BSN: variants seen among roughly 807,000 people sequenced by gnomAD.
BSN encodes the protein bassoon presynaptic cytomatrix protein.
Under a neutral mutation model 264.8 loss-of-function variants are expected in BSN, and 57 were observed. The observed-to-expected ratio is 0.22, with a 90% CI of 0.17 to 0.27. The LOEUF is 0.27. Ranked by LOEUF, BSN falls within the 10% of genes least tolerant of loss-of-function variation. The pLI, the probability that BSN is intolerant of heterozygous loss-of-function variation, is 1.00. For synonymous variants in BSN, 2,059 were observed against 2,137.3 expected (o/e 0.96, Z 1.01); for missense variants, 4,615 against 5,232.5 (o/e 0.88, Z 3.64).
intron 1 of BSN, among the ~76,000 whole-genome samples, chr3:49,577,178 T>G (rs2051851037): frequency 6.6e-6 from 1 of 152,226 alleles, no homozygotes. Flanking sequence ...GCTCCCGAAT[T>G]TCTTCGCTAT....
chr3:49,620,859 G>A (rs890701069), intron 1 of BSN, among the ~76,000 whole-genome samples: 10 of 152,060 alleles, frequency 6.6e-5, no homozygotes, highest in East Asian at 3.9e-4. Context: ...GCTGGTGTGC[G>A]CCTGTAGTCC....
At chr3:49,579,308 A>T (rs2051874891) in intron 1 of BSN, among the ~76,000 whole-genome samples, 1 of 151,398 alleles carries the variant, frequency 6.6e-6, no homozygotes, top group African/African-American at 2.4e-5. Context: ...TTTCCTTCTT[A>T]TTGCCCAGTG....
chr3:49,573,656 GGTT>G (rs2051815686), intron 1 of BSN, among the ~76,000 whole-genome samples: 2 of 144,024 alleles, frequency 1.4e-5, no homozygotes, highest in Non-Finnish European at 1.5e-5. Context: ...CTTTCTCTCT[GGTT>G]TTTTTTTTTT....
intron 2 of BSN, among the ~76,000 whole-genome samples, chr3:49,634,868 C>T (rs560876514): frequency 6.6e-6 from 1 of 152,254 alleles, no homozygotes; most frequent in Non-Finnish European, 1.5e-5. Flanking sequence ...ACTAAAACAA[C>T]ACATACACAT....
Position 49,656,250 on chromosome 3 carries a change from G to A in BSN, c.6694G>A (p.Gly2232Arg), listed in dbSNP as rs778369380. 15 of 1,612,084 alleles carry A rather than the reference G, an allele frequency of 9.3e-6. No homozygotes were observed. Among genetic ancestry groups the A allele is most frequent in the Non-Finnish European group, 1.3e-5 (15 of 1,179,292 alleles). ...CATGTACAGGCCTTACGCATCTGGT[G>A]GAATCACAGCCGTGCCACTCACCAG... Reference protein sequence around the residue: ...GGMYRPYASGGITAVPLTSLT... With the variant: ...GGMYRPYASGRITAVPLTSLT... The change falls in exon 5 of 12, where the codon GGA becomes AGA. Residue 2232 changes from glycine to arginine, a missense_variant. Gly to Arg is a moderately radical substitution (Grantham distance 125). Transcript: ENST00000296452.
At chr3:49,562,871 T>A (rs1168143918) in intron 1 of BSN, among the ~76,000 whole-genome samples, 2 of 152,038 alleles carry the variant, frequency 1.3e-5, no homozygotes, top group East Asian at 3.9e-4. Context: ...GAAATTCAGG[T>A]TTTAATCAAT....
In BSN at chr3:49,657,857, G is replaced by T; in HGVS notation, c.8301G>T (p.Glu2767Asp). The T allele has an allele frequency of 6.2e-7, 1 of 1,612,874 alleles. No homozygotes were observed. Among genetic ancestry groups the T allele is most frequent in the South Asian group, 1.1e-5 (1 of 91,022 alleles). The part of the protein sequence containing the change: ...RFEKKKPDPL[E>D]IGYQAHLPPE... Reference sequence around the variant, plus strand: ...AAAAAAAGAAGCCAGATCCCCTGGAGATTGGGTACCAGGCCCACCTGCCTC... The same window carrying T: ...AAAAAAAGAAGCCAGATCCCCTGGATATTGGGTACCAGGCCCACCTGCCTC... Residue 2767 changes from glutamate (E) to aspartate (D), a missense_variant, in exon 5 of 12, where the codon GAG (glutamate) becomes GAT (aspartate). Physicochemically the swap from Glu to Asp is conservative, Grantham distance 45. Coordinates refer to ENST00000296452, the MANE Select transcript of BSN (RefSeq NM_003458.4).
downstream of BSN, among the ~76,000 whole-genome samples, chr3:49,671,805 C>A (rs564013206): frequency 6.6e-6 from 1 of 152,338 alleles, no homozygotes; most frequent in East Asian, 1.9e-4. This position sits in a 1 kb window ranked among gnomAD's most constrained non-coding sequence, Gnocchi z 4.1. Flanking sequence ...ACAGCACCTC[C>A]ATGGCCTTCA....
chr3:49,598,313 T>C (rs2052041512), intron 1 of BSN, among the ~76,000 whole-genome samples: 1 of 152,242 alleles, frequency 6.6e-6, no homozygotes, highest in African/African-American at 2.4e-5. Flanking sequence ...TGCTTGGTCA[T>C]TTGTTTAGTG....
At chr3:49,592,452 G>A (rs1489167636) in intron 1 of BSN, among the ~76,000 whole-genome samples, 1 of 150,110 alleles carries the variant, frequency 6.7e-6, no homozygotes, top group Non-Finnish European at 1.5e-5. Context: ...ACATGCAGCT[G>A]TAAGAAATAA....
intron 1 of BSN, among the ~76,000 whole-genome samples, chr3:49,577,604 A>T (rs2051855927): frequency 6.7e-6 from 1 of 150,228 alleles, no homozygotes; most frequent in African/African-American, 2.5e-5. Context: ...CAGTGGCATG[A>T]TCATGGCTTA....
At chr3:49,584,740 T>C (rs561532021) in intron 1 of BSN, among the ~76,000 whole-genome samples, 8 of 152,294 alleles carry the variant, frequency 5.3e-5, no homozygotes, top group African/African-American at 1.7e-4. Flanking sequence ...TTTCTAACTA[T>C]TTTTTTGTGT....
Position 49,656,301 on chromosome 3 carries a change from C to T in BSN, c.6745C>T (p.Pro2249Ser). Residue 2249 changes from proline (P) to serine (S), a missense_variant, in exon 5 of 12, where the codon CCC (proline) becomes TCC (serine). Pro to Ser is a moderately conservative substitution (Grantham distance 74). Coordinates refer to ENST00000296452, the MANE Select transcript of BSN (RefSeq NM_003458.4). ...TSLTRVPMIAPRVPLGPTGLY... is the reference protein window; with the variant it reads ...TSLTRVPMIASRVPLGPTGLY... ...TCTGACACGTGTGCCCATGATTGCC[C>T]CCCGGGTACCTCTTGGACCCACAGG... 1 of 1,613,172 alleles carries T rather than the reference C, an allele frequency of 6.2e-7. No homozygotes were observed. Among genetic ancestry groups the T allele is most frequent in the Non-Finnish European group, 8.5e-7 (1 of 1,179,922 alleles).
intron 5 of BSN, among the ~76,000 whole-genome samples, chr3:49,659,941 G>A (rs916476129): frequency 6.6e-6 from 1 of 152,032 alleles, no homozygotes; most frequent in Middle Eastern, 3.2e-3. Flanking sequence ...GAGGACTAGG[G>A]CAGGATGCAG....
chr3:49,616,872 C>T (rs1304722685), intron 1 of BSN, among the ~76,000 whole-genome samples: 2 of 152,144 alleles, frequency 1.3e-5, no homozygotes, highest in Non-Finnish European at 2.9e-5. Flanking sequence ...GATTATGTCT[C>T]CCAGCAGTGG....
chr3:49,575,366 G>A (rs1369826592), intron 1 of BSN, among the ~76,000 whole-genome samples: 1 of 148,852 alleles, frequency 6.7e-6, no homozygotes, highest in East Asian at 2.0e-4. Context: ...ATATATATAT[G>A]TGTGTGTATA....
At chr3:49,617,283 T>TTATATATATA (rs6147817) in intron 1 of BSN, among the ~76,000 whole-genome samples, 1,448 of 121,120 alleles carry the variant, frequency 0.012, 11 homozygotes, top group Non-Finnish European at 0.017. Flanking sequence ...ATAAAATACA[T>TTATATATATA]TATATATATA....
chr3:49,654,927 C>T lies in BSN; in HGVS notation c.5371C>T (p.Arg1791Trp), dbSNP rs778815030. 10 of 1,611,584 alleles carry T rather than the reference C, an allele frequency of 6.2e-6. No homozygotes were observed. The highest frequency in any genetic ancestry group is 5.3e-5 in the African/African-American group (4 of 74,900). ...GACAGCCCCATACCGAAGTGGGCCC[C>T]GGGGAAGACCCAGGGAGGCCAAGTT... The part of the protein sequence containing the change: ...VQTAPYRSGP[R>W]GRPREAKFAR... The change falls in exon 5 of 12, where the codon CGG becomes TGG. Residue 1791 changes from arginine to tryptophan, a missense_variant. Physicochemically the swap from Arg to Trp is moderately radical, Grantham distance 101 (BLOSUM62 -3). This residue lies in a region of BSN where 3,415 missense variants were observed against 3,866.4 expected (regional missense o/e 0.88). Coordinates refer to ENST00000296452, the MANE Select transcript of BSN (RefSeq NM_003458.4). This position sits in a 1 kb window ranked among gnomAD's most constrained non-coding sequence, Gnocchi z 4.1.
rs371920443 is a variant in BSN at position 49,653,515 on chromosome 3, C to A, written c.3959C>A (p.Pro1320His). Residue 1320 changes from proline to histidine, a missense_variant, in exon 5 of 12, where the codon CCT (proline) becomes CAT (histidine). Pro to His is a moderately conservative substitution (Grantham distance 77). Around this residue, in one of 3 missense-constraint regions of BSN, gnomAD observed 3,415 missense variants for 3,866.4 expected, o/e 0.88. Coordinates refer to ENST00000296452, the MANE Select transcript of BSN (RefSeq NM_003458.4). This position sits in a 1 kb window ranked among gnomAD's most constrained non-coding sequence, Gnocchi z 6.3. ...ACCAGTCCCACCCAGCTCGCTGCCC[C>A]TGTGTCCTTCTCTACCCCCACCTCC... ...PGTSPTQLAA[P>H]VSFSTPTSSD... 16 of 1,613,876 alleles carry A rather than the reference C, an allele frequency of 9.9e-6. No individual in the cohort carries two copies. The highest frequency in any genetic ancestry group is 1.4e-5 in the Non-Finnish European group (16 of 1,179,966).
Sources: gnomAD v4.1 joint callset for allele counts (sites outside exome capture counted in the v4.1 genomes callset) on GRCh38, gnomAD v4.1.1 for gene constraint, gnomAD v4.1.1 regional missense constraint, Gnocchi (gnomAD v3.1) non-coding constraint, MANE v1.5 for transcripts, NCBI Gene and HGNC (gene_info 2026-07-23, HGNC 2026-07-21) for gene names.